Variants in ODAD3 observed in about 807,000 individuals in gnomAD.
ODAD3 encodes the protein outer dynein arm docking complex subunit 3.
A neutral mutation model predicts 70.9 loss-of-function variants in ODAD3; 57 were observed. The observed-to-expected ratio is 0.80, with a 90% CI of 0.65 to 1.00. The LOEUF is 1.00. Ranked by LOEUF, ODAD3 falls within the 50% of genes least tolerant of loss-of-function variation. The pLI is 0.00. For missense variants in ODAD3, 797 were observed against 763.9 expected (o/e 1.04, Z -0.51); for synonymous variants, 327 against 315.9 (o/e 1.04, Z -0.37).
intron 7 of ODAD3, among the ~76,000 whole-genome samples, chr19:11,424,579 A>G (rs1969225419): frequency 7.2e-6 from 1 of 138,078 alleles, no homozygotes; most frequent in Admixed American, 7.0e-5. Context: ...ATATGTGTAT[A>G]TATACCTATG....
In ODAD3 at chr19:11,425,333, GTGTATATA is replaced by G. The variant is rs782499804; in HGVS notation, c.963+803_963+810del. Among the ~76,000 whole-genome samples, 1,198 of 130,678 alleles carry G rather than the reference GTGTATATA, an allele frequency of 9.2e-3. 56 individuals are homozygous for G. The highest frequency in any genetic ancestry group is 0.014 in the Non-Finnish European group (900 of 64,468). The allele number at this position is 130,678 out of a possible 152,430, so 85.7% of individuals were successfully genotyped here. A position where few individuals can be genotyped will look rare whatever the true frequency, so the allele number is the denominator to read the frequency against. The stretch of plus-strand genomic sequence containing the variant: ...TGTACATATGTGTATATGTACATAT[GTGTATATA>G]TGTATATATGTGTATATGTACATAT... On this transcript the variant is annotated intron_variant, in intron 7 of 12. Transcript: ENST00000356392.
chr19:11,424,537 A>G (rs1470975715), intron 7 of ODAD3, among the ~76,000 whole-genome samples: 1 of 133,172 alleles, frequency 7.5e-6, no homozygotes, highest in Admixed American at 7.7e-5. Context: ...ATATGTATAT[A>G]TGTGTATATA....
intron 7 of ODAD3, among the ~76,000 whole-genome samples, chr19:11,425,131 A>G (rs905218346): frequency 6.8e-5 from 9 of 131,542 alleles, no homozygotes; most frequent in Non-Finnish European, 1.1e-4. Context: ...ACATATGTGT[A>G]TATGTGTATA....
chr19:11,424,092 G>A lies in ODAD3; in HGVS notation c.964-63C>T, dbSNP rs930790607. 5 of 1,563,676 alleles carry A rather than the reference G, an allele frequency of 3.2e-6. No individual in the cohort carries two copies. The African/African-American group carries it at 5.4e-5, about 17-fold the overall frequency. On this transcript the variant is annotated intron_variant, in intron 7 of 12. Transcript: ENST00000356392. ...TGGACAGCGCTTGGGAAGGAGGCCGGGGAGGGGGATCCAGATAGGGGCCCG... is the reference window on the plus strand; with the variant it reads ...TGGACAGCGCTTGGGAAGGAGGCCGAGGAGGGGGATCCAGATAGGGGCCCG...
chr19:11,420,662 A>G lies in ODAD3; in HGVS notation c.*173T>C. ...GGCCGGGGCGGACCCAGCTGGGGAG[A>G]TTTACTGTGGGAACGTCTGGCCCGG... On this transcript the variant is annotated 3_prime_UTR_variant, in exon 13 of 13. Coordinates refer to ENST00000356392, the MANE Select transcript of ODAD3 (RefSeq NM_145045.5). 1.7e-6 allele frequency: 1 copy of G among 605,340 alleles called. No homozygotes were observed. Among genetic ancestry groups the G allele is most frequent in the Non-Finnish European group, 2.9e-6 (1 of 341,774 alleles). The allele number at this position is 605,340 out of a possible 1,614,324, so 37.5% of individuals were successfully genotyped here. A position where few individuals can be genotyped will look rare whatever the true frequency, so the allele number is the denominator to read the frequency against.
intron 3 of ODAD3, among the ~76,000 whole-genome samples, chr19:11,428,190 C>T (rs976256719): frequency 6.6e-6 from 1 of 152,152 alleles, no homozygotes; most frequent in African/African-American, 2.4e-5. Context: ...CCTTCCTCGG[C>T]CTCCCAAAGT....
chr19:11,435,386 C>T, upstream of ODAD3: 1 of 424,132 alleles, frequency 2.4e-6, no homozygotes, highest in South Asian at 2.1e-5. Context: ...TGGGGGTTCG[C>T]GGGCATTTTT....
At chr19:11,434,701 CTT>C in intron 1 of ODAD3, 70 bp downstream of exon 1, 1 of 1,522,374 alleles carries the variant, frequency 6.6e-7, no homozygotes, top group Non-Finnish European at 8.9e-7. Flanking sequence ...GGAGAAATAC[CTT>C]TGTCACACCA....
intron 7 of ODAD3, among the ~76,000 whole-genome samples, 181 bp from the exon 8 acceptor site, chr19:11,424,210 G>A (rs1009583265): frequency 6.6e-6 from 1 of 152,166 alleles, no homozygotes; most frequent in Non-Finnish European, 1.5e-5. Flanking sequence ...AGTGGGACAA[G>A]GTCGGGCGCG....
intron 1 of ODAD3, chr19:11,434,430 C>CATT: frequency 5.9e-6 from 1 of 170,688 alleles, no homozygotes; most frequent in Non-Finnish European, 1.3e-5. Flanking sequence ...CCCAGCTACT[C>CATT]AAGAGGCTGA....
chr19:11,430,880 C>A lies in ODAD3; in HGVS notation c.366+19G>T, dbSNP rs952269943. 6.2e-7 allele frequency: 1 copy of A among 1,613,996 alleles called. No homozygotes were observed. The highest frequency in any genetic ancestry group is 1.1e-5 in the South Asian group (1 of 91,078). Reference sequence around the variant, plus strand: ...ATCCACCGCCACGGGAACCCTACACCCACCCCTTTGCCCCTTACCTTGAGC... The same window carrying A: ...ATCCACCGCCACGGGAACCCTACACACACCCCTTTGCCCCTTACCTTGAGC... On this transcript the variant is annotated intron_variant, in intron 2 of 12. Transcript: ENST00000356392.
intron 7 of ODAD3, among the ~76,000 whole-genome samples, chr19:11,425,035 A>ATG (rs1213234430): frequency 1.6e-5 from 2 of 122,258 alleles, no homozygotes; most frequent in East Asian, 2.7e-4. Flanking sequence ...ATGTGCATAT[A>ATG]TACATATGTG....
chr19:11,427,785 T>C (rs562976992), intron 3 of ODAD3, among the ~76,000 whole-genome samples: 1 of 151,344 alleles, frequency 6.6e-6, no homozygotes, highest in African/African-American at 2.4e-5. Context: ...CCCAGCTATC[T>C]TCTGGCCATT....
In ODAD3 at chr19:11,425,207, A is replaced by G. The variant is rs997313605; in HGVS notation, c.963+937T>C. ...TGTATATATACATATGTGTATGTGT[A>G]CATATGTGTATATATGTGTGTATAT... On this transcript the variant is annotated intron_variant, in intron 7 of 12. Coordinates refer to ENST00000356392, the MANE Select transcript of ODAD3 (RefSeq NM_145045.5). Among the ~76,000 whole-genome samples the G allele has an allele frequency of 4.3e-5, 6 of 139,706 alleles. No homozygotes were observed. In the South Asian group the frequency reaches 6.7e-4, roughly 16 times the overall value. 91.7% of individuals were successfully genotyped at this position (139,706 alleles called of 152,430 possible). A position where few individuals can be genotyped will look rare whatever the true frequency, so the allele number is the denominator to read the frequency against.
chr19:11,422,603 C>A lies in ODAD3; in HGVS notation c.1302G>T (p.Ala434=). ...LVSQQKLQAE[A]QERLKKEERR... ...GCTCCTCCTTCTTGAGACGCTCCTG[C>A]GCCTCGGCTTGCAGTTTCTGCTGGC... The change falls in exon 10 of 13, where the codon GCG becomes GCT. Residue 434 remains alanine (A), a synonymous_variant. Transcript: ENST00000356392. The surrounding 1 kb of genome is among the most constrained non-coding windows in gnomAD (Gnocchi z 4.6). The A allele has an allele frequency of 1.3e-6, 2 of 1,597,308 alleles. No homozygotes were observed. Among genetic ancestry groups the A allele is most frequent in the Non-Finnish European group, 1.7e-6 (2 of 1,174,506 alleles).
chr19:11,428,860 T>G, intron 3 of ODAD3, among the ~76,000 whole-genome samples: 1 of 131,274 alleles, frequency 7.6e-6, no homozygotes, highest in Non-Finnish European at 1.6e-5. Context: ...TGTGTTTTAT[T>G]TTTTATTTAT....
chr19:11,434,522 G>T, intron 1 of ODAD3: 1 of 269,324 alleles, frequency 3.7e-6, no homozygotes, highest in Non-Finnish European at 6.8e-6. Flanking sequence ...TGGCAACAGA[G>T]TGAGATTCTG....
At chr19:11,421,086 G>C (rs777318469) in intron 12 of ODAD3, 42 bp downstream of exon 12, 147 of 1,604,630 alleles carry the variant, frequency 9.2e-5, no homozygotes, top group Non-Finnish European at 1.2e-4. Flanking sequence ...TACCCAGCTT[G>C]GGGCCCCAAC....
intron 1 of ODAD3, among the ~76,000 whole-genome samples, chr19:11,434,085 C>T (rs1020483963): frequency 2.0e-5 from 3 of 151,428 alleles, no homozygotes; most frequent in Non-Finnish European, 2.9e-5. Context: ...TGGTGGCACG[C>T]ACCTATAGTC....
Sources: allele counts gnomAD v4.1 joint callset (sites outside exome capture counted in the v4.1 genomes callset), GRCh38; gene constraint gnomAD v4.1.1; non-coding constraint Gnocchi (gnomAD v3.1); transcripts MANE v1.5; gene names NCBI Gene and HGNC (gene_info 2026-07-23, HGNC 2026-07-21).